Variants in CYRIA observed in about 807,000 individuals in gnomAD.
The protein encoded by CYRIA is CYFIP related Rac1 interactor A.
A neutral mutation model predicts 43.9 loss-of-function variants in CYRIA; 15 were observed. That is an observed-to-expected ratio of 0.34 (90% CI 0.23 to 0.53). CYRIA has a LOEUF of 0.53. Among genes scored for constraint, CYRIA ranks in the 20% least tolerant of loss-of-function variants. CYRIA has a pLI of 0.94. For synonymous variants in CYRIA, 117 were observed against 136.0 expected (o/e 0.86, Z 0.97); for missense variants, 236 against 394.2 (o/e 0.60, Z 3.40).
chr2:16,586,645 C>T (rs1191414623), intron 3 of CYRIA, among the ~76,000 whole-genome samples: 1 of 103,202 alleles, frequency 9.7e-6, no homozygotes, highest in Admixed American at 9.5e-5. Flanking sequence ...CTGCCAAAGA[C>T]ACCAAAAAAA....
chr2:16,601,961 C>A (rs987773712), intron 2 of CYRIA, among the ~76,000 whole-genome samples: 6 of 152,186 alleles, frequency 3.9e-5, no homozygotes, highest in African/African-American at 1.2e-4. Context: ...TGAATGATGA[C>A]CTCTGCCTGT....
At chr2:16,622,718 A>G (rs1350090094) in intron 2 of CYRIA, among the ~76,000 whole-genome samples, 4 of 152,234 alleles carry the variant, frequency 2.6e-5, no homozygotes, top group Admixed American at 2.6e-4. Context: ...CACAGCTGAG[A>G]TCTGAAGTCA....
chr2:16,623,338 G>A (rs566338170), intron 2 of CYRIA, among the ~76,000 whole-genome samples: 356 of 152,342 alleles, frequency 2.3e-3, no homozygotes, highest in Non-Finnish European at 3.7e-3. Flanking sequence ...CGAGCAATAA[G>A]CAGACAGAGA....
At chr2:16,636,714 G>C (rs538039473) in intron 1 of CYRIA, among the ~76,000 whole-genome samples, 1 of 152,172 alleles carries the variant, frequency 6.6e-6, no homozygotes, top group South Asian at 2.1e-4. Flanking sequence ...GCCACAGGTT[G>C]GAAGTAGGAC....
chr2:16,566,529 T>C (rs181594672), intron 3 of CYRIA, among the ~76,000 whole-genome samples: 4 of 152,308 alleles, frequency 2.6e-5, no homozygotes, highest in Admixed American at 2.6e-4. Flanking sequence ...CCTGATCTCA[T>C]GTTCAGGAGG....
chr2:16,576,792 G>A (rs1424636111), intron 3 of CYRIA, among the ~76,000 whole-genome samples: 1 of 151,940 alleles, frequency 6.6e-6, no homozygotes, highest in Non-Finnish European at 1.5e-5. Flanking sequence ...AACAGATAAA[G>A]GAAATGTAGA....
chr2:16,618,368 G>A (rs1668875670), intron 2 of CYRIA, among the ~76,000 whole-genome samples: 1 of 152,152 alleles, frequency 6.6e-6, no homozygotes, highest in African/African-American at 2.4e-5. Flanking sequence ...TGCAGCCAGG[G>A]TTTTGGAGAG....
chr2:16,593,723 T>G (rs1345565810), intron 2 of CYRIA, among the ~76,000 whole-genome samples: 3 of 140,090 alleles, frequency 2.1e-5, no homozygotes, highest in South Asian at 2.2e-4. Context: ...TGTGTGTTTT[T>G]TTTTTTTTTT....
intron 2 of CYRIA, among the ~76,000 whole-genome samples, chr2:16,599,908 C>T (rs1668141697): frequency 6.6e-6 from 1 of 152,202 alleles, no homozygotes; most frequent in South Asian, 2.1e-4. Context: ...AGGCACCCGC[C>T]ACCACACCCA....
At chr2:16,590,214 C>T (rs1054202665) in intron 2 of CYRIA, among the ~76,000 whole-genome samples, 15 of 152,194 alleles carry the variant, frequency 9.9e-5, no homozygotes, top group African/African-American at 3.6e-4. Context: ...TGAGCAAAAT[C>T]CTGTGTGCGG....
chr2:16,560,921 A>T, intron 9 of CYRIA, 69 bp downstream of exon 9: 1 of 1,353,458 alleles, frequency 7.4e-7, no homozygotes, highest in Non-Finnish European at 1.1e-6. Flanking sequence ...CATATCATTA[A>T]CATCATCATC....
At chr2:16,633,290 G>A (rs1336354124) in intron 1 of CYRIA, among the ~76,000 whole-genome samples, 1 of 152,080 alleles carries the variant, frequency 6.6e-6, no homozygotes, top group Non-Finnish European at 1.5e-5. Flanking sequence ...TCCCTGAAGT[G>A]TTCTCTGATA....
At chr2:16,658,917 G>A (rs2103557152) in intron 1 of CYRIA, among the ~76,000 whole-genome samples, 1 of 152,278 alleles carries the variant, frequency 6.6e-6, no homozygotes, top group Admixed American at 6.5e-5. Context: ...GGAAGGGCCT[G>A]AGAAGTAAGT....
intron 1 of CYRIA, among the ~76,000 whole-genome samples, chr2:16,642,044 T>A (rs907423462): frequency 1.3e-5 from 2 of 152,198 alleles, no homozygotes; most frequent in African/African-American, 4.8e-5. Context: ...AAATTCTTAA[T>A]ATTGGCACTT....
chr2:16,649,156 T>C (rs1258921400), intron 1 of CYRIA, among the ~76,000 whole-genome samples: 1 of 152,178 alleles, frequency 6.6e-6, no homozygotes, highest in Non-Finnish European at 1.5e-5. Flanking sequence ...AGCATTTACA[T>C]TGTATTAGGT....
At chr2:16,629,099 G>C (rs967670274) in intron 1 of CYRIA, among the ~76,000 whole-genome samples, 1 of 147,202 alleles carries the variant, frequency 6.8e-6, no homozygotes, top group African/African-American at 2.4e-5. Context: ...CAAGCAGATG[G>C]GAAACCAGCA....
intron 1 of CYRIA, among the ~76,000 whole-genome samples, chr2:16,631,395 T>TGA (rs1669327241): frequency 6.6e-6 from 1 of 152,070 alleles, no homozygotes; most frequent in African/African-American, 2.4e-5. Flanking sequence ...AGAGATACAG[T>TGA]GAGTAGATGA....
At chr2:16,609,829 G>T (rs957738138) in intron 2 of CYRIA, among the ~76,000 whole-genome samples, 5 of 151,976 alleles carry the variant, frequency 3.3e-5, no homozygotes, top group African/African-American at 1.2e-4. Context: ...GAGGTTCTCA[G>T]ATCAACCTGA....
At chr2:16,662,884 A>G (rs1670297376) in intron 1 of CYRIA, among the ~76,000 whole-genome samples, 1 of 152,306 alleles carries the variant, frequency 6.6e-6, no homozygotes, top group Non-Finnish European at 1.5e-5. Flanking sequence ...TATTATAAGG[A>G]TCTTTTTCCA....
Sources: allele counts gnomAD v4.1 joint callset (sites outside exome capture counted in the v4.1 genomes callset), GRCh38; gene constraint gnomAD v4.1.1; transcripts MANE v1.5; gene names NCBI Gene and HGNC (gene_info 2026-07-23, HGNC 2026-07-21).